Variants in RPUSD4 observed in about 807,000 individuals in gnomAD.
RPUSD4 encodes the protein pseudouridylate synthase RPUSD4, mitochondrial.
RPUSD4 carries 37 observed loss-of-function variants against 35.4 expected under a neutral mutation model. The ratio of observed to expected loss-of-function variants is 1.04; its 90% CI spans 0.80 to 1.37. The LOEUF is 1.37. Ranked by LOEUF, RPUSD4 falls within the 40% of genes most tolerant of loss-of-function variation. RPUSD4 has a pLI of 0.00. For synonymous variants in RPUSD4, 210 were observed against 192.7 expected, an observed-to-expected ratio of 1.09 and a Z score of -0.74; for missense variants, 507 against 484.9, an observed-to-expected ratio of 1.05 and a Z score of -0.43.
Position 126,205,724 on chromosome 11 carries a change from C to T in RPUSD4, c.615G>A (p.Val205=), listed in dbSNP as rs753035934. Residue 205 remains valine, a synonymous_variant, in exon 4 of 7, where the codon GTG becomes GTA. Coordinates refer to ENST00000298317, the MANE Select transcript of RPUSD4 (RefSeq NM_032795.3). ...PSAGVVDIPI[V]EKEAQGQQQH... ...GCTGCTGGCCTTGCGCCTCCTTCTC[C>T]ACAATGGGGATGTCCACGACTCCTG... is the stretch of plus-strand genomic sequence containing the variant. The T allele has an allele frequency of 3.1e-6, 5 of 1,613,488 alleles. No homozygotes were observed. Among genetic ancestry groups the T allele is most frequent in the Non-Finnish European group, 4.2e-6 (5 of 1,179,594 alleles).
chr11:126,204,155 C>T (rs1249784710), intron 6 of RPUSD4, 76 bp downstream of exon 6: 4 of 992,874 alleles, frequency 4.0e-6, no homozygotes, highest in Non-Finnish European at 6.3e-6. Context: ...TGTTGTAACT[C>T]ATTTCAGAGT....
rs574137299 is a variant in RPUSD4 at position 126,203,160 on chromosome 11, G to A, written c.*258C>T. The A allele has an allele frequency of 2.5e-5, 11 of 441,580 alleles. No individual in the cohort carries two copies. Among genetic ancestry groups the A allele is most frequent in the South Asian group, 9.4e-5 (3 of 31,870 alleles). 27.4% of individuals were successfully genotyped at this position (441,580 alleles called of 1,614,324 possible). On this transcript the variant is annotated 3_prime_UTR_variant, in exon 7 of 7. Transcript: ENST00000298317. ...TTCCATATTGGCAATGAGAGCCCAC[G>A]GCAGGGAGACTTCCAGCAGGCTTTT... is the stretch of plus-strand genomic sequence containing the variant.
chr11:126,203,649 A>T lies in RPUSD4; in HGVS notation c.903T>A (p.Ser301=). 1 of 1,612,542 alleles carries T rather than the reference A, an allele frequency of 6.2e-7. No homozygotes were observed. Among genetic ancestry groups the T allele is most frequent in the Non-Finnish European group, 8.5e-7 (1 of 1,178,836 alleles). Residue 301 remains serine (S), a synonymous_variant, in exon 7 of 7, where the codon TCT becomes TCA. Transcript: ENST00000298317. ...DWNRLAPQKL[S]VGTLKKLGLE... ...GCCCCAGCTTCTTCAGGGTGCCCACAGACAGCTTCTATACAAAGAAAGGAC... is the reference window on the plus strand; with the variant it reads ...GCCCCAGCTTCTTCAGGGTGCCCACTGACAGCTTCTATACAAAGAAAGGAC...
chr11:126,210,749 C>CGT, intron 2 of RPUSD4, 141 bp downstream of exon 2: 1 of 746,330 alleles, frequency 1.3e-6, no homozygotes, highest in Non-Finnish European at 2.1e-6. Flanking sequence ...TCGGTGGTTC[C>CGT]TTATATTGGA....
intron 2 of RPUSD4, among the ~76,000 whole-genome samples, chr11:126,210,520 T>TACATACATACATACACACACAC (rs746246254): frequency 5.1e-4 from 31 of 60,296 alleles, no homozygotes; most frequent in Admixed American, 2.1e-3. Context: ...CCAACATACA[T>TACATACATACATACACACACAC]ACACACACAC....
intron 5 of RPUSD4, among the ~76,000 whole-genome samples, 167 bp from the exon 6 acceptor site, chr11:126,204,495 G>C (rs1291928836): frequency 6.6e-6 from 1 of 152,132 alleles, no homozygotes; most frequent in Non-Finnish European, 1.5e-5. Context: ...AAGTTATGTA[G>C]CACCAGCCAG....
In RPUSD4 at chr11:126,202,744, T is replaced by C. The variant is rs1323479733; in HGVS notation, c.*674A>G. Reference sequence around the variant, plus strand: ...TCTCTGAAGAAATGAGAAAATCCATTCCCACATGGCAACAACCAGCTGGAG... The same window carrying C: ...TCTCTGAAGAAATGAGAAAATCCATCCCCACATGGCAACAACCAGCTGGAG... On this transcript the variant is annotated 3_prime_UTR_variant, in exon 7 of 7. Coordinates refer to ENST00000298317, the MANE Select transcript of RPUSD4 (RefSeq NM_032795.3). The C allele has an allele frequency of 6.6e-6, 1 of 152,186 alleles. No homozygotes were observed. Among genetic ancestry groups the C allele is most frequent in the African/African-American group, 2.4e-5 (1 of 41,444 alleles). 9.4% of individuals were successfully genotyped at this position (152,186 alleles called of 1,614,324 possible). A position where few individuals can be genotyped will look rare whatever the true frequency, so the allele number is the denominator to read the frequency against.
Position 126,202,534 on chromosome 11 carries a change from A to G in RPUSD4, c.*884T>C, listed in dbSNP as rs192081173. 91 of 152,370 alleles carry G rather than the reference A, an allele frequency of 6.0e-4. No individual in the cohort carries two copies. Among genetic ancestry groups the G allele is most frequent in the African/African-American group, 2.1e-3 (88 of 41,584 alleles). 9.4% of individuals were successfully genotyped at this position (152,370 alleles called of 1,614,324 possible). ...CGAAAATGCCAACCACTGATCCAGA[A>G]TTTTCAAGATGGCACCTTTCCCCAA... On this transcript the variant is annotated 3_prime_UTR_variant, in exon 7 of 7. Coordinates refer to ENST00000298317, the MANE Select transcript of RPUSD4 (RefSeq NM_032795.3).
intron 2 of RPUSD4, 85 bp from the exon 3 acceptor site, chr11:126,209,807 T>A: frequency 9.1e-7 from 1 of 1,100,240 alleles, no homozygotes; most frequent in South Asian, 1.4e-5. Flanking sequence ...CCTTAATGGA[T>A]AAACTGTCAA....
chr11:126,204,124 C>G, intron 6 of RPUSD4, 107 bp downstream of exon 6: 1 of 823,376 alleles, frequency 1.2e-6, no homozygotes, highest in South Asian at 1.5e-5. Context: ...GGTATCATGT[C>G]TGAAGACAAT....
intron 2 of RPUSD4, 41 bp from the exon 3 acceptor site, chr11:126,209,763 G>T (rs749819882): frequency 6.4e-7 from 1 of 1,555,112 alleles, no homozygotes; most frequent in South Asian, 1.1e-5. Context: ...GCCAGGAAAA[G>T]ATCTCGCCAA....
chr11:126,203,457 T>C lies in RPUSD4; in HGVS notation c.1095A>G (p.Gln365=), dbSNP rs1565315642. The change falls in exon 7 of 7, where the codon CAA becomes CAG. Residue 365 remains glutamine, a synonymous_variant. Coordinates refer to ENST00000298317, the MANE Select transcript of RPUSD4 (RefSeq NM_032795.3). ...RLRLEMPNED[Q]NENNEAKCLG... ...GACACTTGGCTTCATTGTTCTCATT[T>C]TGATCCTCATTTGGCATCTCTAAAC... The C allele has an allele frequency of 6.2e-7, 1 of 1,614,124 alleles. No individual in the cohort carries two copies. The highest frequency in any genetic ancestry group is 2.2e-5 in the East Asian group (1 of 44,886).
chr11:126,205,737 T>A lies in RPUSD4; in HGVS notation c.602A>T (p.Asp201Val). Residue 201 changes from aspartate to valine, a missense_variant, in exon 4 of 7, where the codon GAC becomes GTC. Asp to Val is a radical substitution (Grantham distance 152, BLOSUM62 -3). Transcript: ENST00000298317. ...CGCCTCCTTCTCCACAATGGGGATG[T>A]CCACGACTCCTGCTGAGGGCATGGG... is the stretch of plus-strand genomic sequence containing the variant. ...HVPMPSAGVV[D>V]IPIVEKEAQG... The A allele has an allele frequency of 6.2e-7, 1 of 1,613,068 alleles. No homozygotes were observed.
At position 126,205,603 on chromosome 11, in the gene RPUSD4, A is replaced by G. The variant is rs200707663; in HGVS notation, c.661T>C (p.Ser221Pro). Reference sequence around the variant, plus strand: ...CCATCGTCCATGCGGTAGCTCGGGGACAATGTCATCTGAAGCCAAAGAAAT... The same window carrying G: ...CCATCGTCCATGCGGTAGCTCGGGGGCAATGTCATCTGAAGCCAAAGAAAT... ...GQQQHHKMTL[S>P]PSYRMDDGKM... Residue 221 changes from serine (S) to proline (P), a missense_variant, in exon 5 of 7, where the codon TCC becomes CCC. Coordinates refer to ENST00000298317, the MANE Select transcript of RPUSD4 (RefSeq NM_032795.3). 8.1e-6 allele frequency: 13 copies of G among 1,614,234 alleles called. No homozygotes were observed. In the Admixed American group the frequency reaches 1.3e-4, roughly 17 times the overall value.
chr11:126,211,204 C>T, intron 1 of RPUSD4, 149 bp from the exon 2 acceptor site: 1 of 1,010,104 alleles, frequency 9.9e-7, no homozygotes, highest in East Asian at 2.4e-5. Flanking sequence ...AGCAGAGATA[C>T]CCATCTGTCT....
rs1266322283 is a variant in RPUSD4, at chr11:126,207,085, CTATTTTT to C, written c.558-1311_558-1305del. ...ATTGCTTGAATAGAAAAATAAGTCT[CTATTTTT>C]TATTTTTTAACTTTTCCTATGAACT... On this transcript the variant is annotated intron_variant, in intron 3 of 6. Transcript: ENST00000298317. Among the ~76,000 whole-genome samples the C allele has an allele frequency of 7.2e-5, 11 of 152,150 alleles. 1 individual carries two copies. The highest frequency in any genetic ancestry group is 4.6e-4 in the Admixed American group (7 of 15,260).
intron 2 of RPUSD4, among the ~76,000 whole-genome samples, chr11:126,210,318 C>T (rs1199427657): frequency 6.6e-6 from 1 of 152,310 alleles, no homozygotes; most frequent in Non-Finnish European, 1.5e-5. Context: ...ACAACTATCT[C>T]CGTATCTCCC....
intron 2 of RPUSD4, among the ~76,000 whole-genome samples, chr11:126,210,265 A>T (rs1302387282): frequency 6.6e-6 from 1 of 152,250 alleles, no homozygotes; most frequent in Non-Finnish European, 1.5e-5. Flanking sequence ...GAAAAAAATT[A>T]TACAAACACT....
chr11:126,207,269 T>G (rs1310117883), intron 3 of RPUSD4, among the ~76,000 whole-genome samples: 1 of 152,074 alleles, frequency 6.6e-6, no homozygotes, highest in African/African-American at 2.4e-5. Context: ...CAGTTGAGAG[T>G]TGAACACACA....
Sources: allele counts gnomAD v4.1 joint callset (sites outside exome capture counted in the v4.1 genomes callset), GRCh38; gene constraint gnomAD v4.1.1; transcripts MANE v1.5; gene names NCBI Gene and HGNC (gene_info 2026-07-23, HGNC 2026-07-21).